The following MMP2 variants were observed in gnomAD, a reference collection of about 807,000 sequenced individuals.
The protein encoded by MMP2 is matrix metallopeptidase 2.
A neutral mutation model predicts 74.8 loss-of-function variants in MMP2; 39 were observed. The ratio of observed to expected loss-of-function variants is 0.52; its 90% CI spans 0.40 to 0.68. MMP2 has a LOEUF of 0.68. MMP2 is among the 30% of genes least tolerant of loss of function. The pLI is 0.00. For missense variants in MMP2, 803 were observed against 878.3 expected (o/e 0.91, Z 1.08); for synonymous variants, 367 against 339.8 (o/e 1.08, Z -0.88).
At position 55,485,764 on chromosome 16, in the gene MMP2, C is replaced by G; in HGVS notation, c.819C>G (p.Phe273Leu). The G allele has an allele frequency of 6.2e-7, 1 of 1,613,816 alleles. No homozygotes were observed. Among genetic ancestry groups the G allele is most frequent in the Non-Finnish European group, 8.5e-7 (1 of 1,180,016 alleles). Residue 273 changes from phenylalanine (F) to leucine (L), a missense_variant, in exon 5 of 13, where the codon TTC becomes TTG. By Grantham distance (22) the Phe-to-Leu change is conservative. Transcript: ENST00000219070. ...TTGAGAAGGATGGCAAGTACGGCTTCTGTCCCCATGAAGGTGAGCATCCAC... is the reference window on the plus strand; with the variant it reads ...TTGAGAAGGATGGCAAGTACGGCTTGTGTCCCCATGAAGGTGAGCATCCAC... ...YNFEKDGKYGFCPHEALFTMG... is the reference protein window; with the variant it reads ...YNFEKDGKYGLCPHEALFTMG...
At position 55,485,347 on chromosome 16, in the gene MMP2, A is replaced by G. The variant is rs1429713514; in HGVS notation, c.578A>G (p.His193Arg). Residue 193 changes from histidine to arginine, a missense_variant, in exon 4 of 13, where the codon CAT (histidine) becomes CGT (arginine). This residue lies in a region of MMP2 where 25 missense variants were observed against 53.5 expected (regional missense o/e 0.47). Transcript: ENST00000219070. ...GACGGTAAGGACGGACTCCTGGCTC[A>G]TGCCTTCGCCCCAGGCACTGGTGTT... ...PFDGKDGLLAHAFAPGTGVGG... is the reference protein window; with the variant it reads ...PFDGKDGLLARAFAPGTGVGG... 2 of 1,614,122 alleles carry G rather than the reference A, an allele frequency of 1.2e-6. No individual in the cohort carries two copies. Among genetic ancestry groups the G allele is most frequent in the Non-Finnish European group, 1.7e-6 (2 of 1,180,016 alleles).
intron 12 of MMP2, among the ~76,000 whole-genome samples, chr16:55,504,679 G>C (rs1275625294): frequency 7.1e-6 from 1 of 141,604 alleles, no homozygotes; most frequent in Non-Finnish European, 1.5e-5. Flanking sequence ...TTGAGACAGA[G>C]TCTCCCTCTG....
Position 55,505,615 on chromosome 16 carries a change from G to A in MMP2, c.*173G>A. 1.5e-6 allele frequency: 1 copy of A among 658,110 alleles called. No homozygotes were observed. The highest frequency in any genetic ancestry group is 2.7e-6 in the Non-Finnish European group (1 of 367,146). 40.8% of individuals were successfully genotyped at this position (658,110 alleles called of 1,614,324 possible). A position where few individuals can be genotyped will look rare whatever the true frequency, so the allele number is the denominator to read the frequency against. ...ATTCCAGAGAGTGGCTCCTCCCGGT[G>A]CCCAAGAATAGATGCTGACTGTACT... is the stretch of plus-strand genomic sequence containing the variant. On this transcript the variant is annotated 3_prime_UTR_variant, in exon 13 of 13. Coordinates refer to ENST00000219070, the MANE Select transcript of MMP2 (RefSeq NM_004530.6).
At chr16:55,483,465 CAG>C (rs17859865) in intron 2 of MMP2, among the ~76,000 whole-genome samples, 4,056 of 152,262 alleles carry the variant, frequency 0.027, 177 homozygotes, top group African/African-American at 0.089. Flanking sequence ...ATTTTTGACA[CAG>C]AGCAAGAGTG....
At chr16:55,489,883 C>G in intron 7 of MMP2, 59 bp downstream of exon 7, 2 of 1,574,628 alleles carry the variant, frequency 1.3e-6, no homozygotes, top group South Asian at 2.3e-5. Context: ...CCTAAACTTG[C>G]TCCAAAAACC....
At chr16:55,504,651 ATTT>A (rs71149619) in intron 12 of MMP2, among the ~76,000 whole-genome samples, 59,633 of 131,190 alleles carry the variant, frequency 0.45, 11,740 homozygotes, top group East Asian at 0.59. Flanking sequence ...AAACAATTGA[ATTT>A]TTTTTTTTTT....
intron 10 of MMP2, 44 bp downstream of exon 10, chr16:55,497,106 T>C (rs1962550436): frequency 6.2e-7 from 1 of 1,613,098 alleles, no homozygotes; most frequent in South Asian, 1.1e-5. Flanking sequence ...TCCACAGGGC[T>C]CTGCACCAGG....
Position 55,484,128 on chromosome 16 carries a change from G to A in MMP2, c.493G>A (p.Gly165Arg), listed in dbSNP as rs1297313059. The change falls in exon 3 of 13, where the codon GGA (glycine) becomes AGA (arginine). Residue 165 changes from glycine (G) to arginine (R), a missense_variant. Physicochemically the swap from Gly to Arg is moderately radical, Grantham distance 125 (BLOSUM62 -2). This residue lies in a region of MMP2 where 223 missense variants were observed against 232.8 expected (regional missense o/e 0.96). Transcript: ENST00000219070. The part of the protein sequence containing the change: ...TPLRFSRIHD[G>R]EADIMINFGR... Reference sequence around the variant, plus strand: ...ACTGCGGTTTTCTCGAATCCATGATGGAGAGGCAGACATCATGATCAACTT... The same window carrying A: ...ACTGCGGTTTTCTCGAATCCATGATAGAGAGGCAGACATCATGATCAACTT... 2 of 1,614,180 alleles carry A rather than the reference G, an allele frequency of 1.2e-6. No individual in the cohort carries two copies. The highest frequency in any genetic ancestry group is 1.7e-6 in the Non-Finnish European group (2 of 1,180,050).
chr16:55,493,972 G>A lies in MMP2; in HGVS notation c.1472+679G>A, dbSNP rs560528319. Among the ~76,000 whole-genome samples, 79 of 152,266 alleles carry A rather than the reference G, an allele frequency of 5.2e-4. 1 individual carries two copies. The highest frequency in any genetic ancestry group is 1.9e-3 in the African/African-American group (78 of 41,544). On this transcript the variant is annotated intron_variant, in intron 9 of 12. Coordinates refer to ENST00000219070, the MANE Select transcript of MMP2 (RefSeq NM_004530.6). Reference sequence around the variant, plus strand: ...GTTTACCCTAATGCCCTAGTTCCCTGGAGAATGGCAGGCAGTATCTAGGAC... The same window carrying A: ...GTTTACCCTAATGCCCTAGTTCCCTAGAGAATGGCAGGCAGTATCTAGGAC...
At chr16:55,502,735 C>G (rs757015443) in intron 11 of MMP2, 44 bp from the exon 12 acceptor site, 1 of 1,563,182 alleles carries the variant, frequency 6.4e-7, no homozygotes, top group Non-Finnish European at 8.8e-7. Flanking sequence ...GGGAAGTGTC[C>G]TTTAGAGAGG....
At chr16:55,496,897 G>C (rs781192844) in intron 9 of MMP2, 29 bp from the exon 10 acceptor site, 2 of 1,612,866 alleles carry the variant, frequency 1.2e-6, no homozygotes, top group East Asian at 4.5e-5. Context: ...TGAAGATGTG[G>C]TTTCCTGTGC....
At chr16:55,485,999 A>G (rs1596811928) in intron 5 of MMP2, among the ~76,000 whole-genome samples, 1 of 152,282 alleles carries the variant, frequency 6.6e-6, no homozygotes, top group East Asian at 1.9e-4. Context: ...AATTAAATCA[A>G]GTTGATTTTT....
At chr16:55,489,998 A>G (rs1567376987) in intron 7 of MMP2, among the ~76,000 whole-genome samples, 174 bp downstream of exon 7, 1 of 152,084 alleles carries the variant, frequency 6.6e-6, no homozygotes, top group South Asian at 2.1e-4. Flanking sequence ...TGGTGGAGCC[A>G]AGGTCCCTGC....
At chr16:55,505,316 G>C in intron 12 of MMP2, 23 bp from the exon 13 acceptor site, 2 of 1,593,662 alleles carry the variant, frequency 1.3e-6, no homozygotes, top group Admixed American at 1.7e-5. Context: ...AGGGGGTCAC[G>C]GTCTCTTCTT....
intron 1 of MMP2, among the ~76,000 whole-genome samples, chr16:55,481,337 G>A (rs1311480145): frequency 2.6e-5 from 4 of 152,184 alleles, no homozygotes; most frequent in East Asian, 1.9e-4. Context: ...CTGTCACAGC[G>A]CTGGTGGGAG....
chr16:55,488,376 C>G, intron 5 of MMP2, 167 bp from the exon 6 acceptor site: 1 of 698,994 alleles, frequency 1.4e-6, no homozygotes, highest in South Asian at 1.7e-5. Flanking sequence ...GGGGTTCTCT[C>G]TGGGAGCTCA....
At chr16:55,488,925 T>G in intron 6 of MMP2, 1 of 626,512 alleles carries the variant, frequency 1.6e-6, no homozygotes, top group South Asian at 1.9e-5. Flanking sequence ...AGAACAGACA[T>G]TGGGCATCAA....
At chr16:55,483,880 CT>C in intron 2 of MMP2, 135 bp from the exon 3 acceptor site, 1 of 890,630 alleles carries the variant, frequency 1.1e-6, no homozygotes. Flanking sequence ...CCTTCCCGTG[CT>C]TGTGCATATA....
chr16:55,492,381 AT>A (rs1962431472), intron 8 of MMP2, among the ~76,000 whole-genome samples: 1 of 152,040 alleles, frequency 6.6e-6, no homozygotes, highest in Non-Finnish European at 1.5e-5. Flanking sequence ...ATAAGCTTTG[AT>A]TTTTAGTATG....
Sources: gnomAD v4.1 joint callset for allele counts (sites outside exome capture counted in the v4.1 genomes callset) on GRCh38, gnomAD v4.1.1 for gene constraint, gnomAD v4.1.1 regional missense constraint, MANE v1.5 for transcripts, NCBI Gene and HGNC (gene_info 2026-07-23, HGNC 2026-07-21) for gene names.